The following ATP2C1 variants were observed in gnomAD, a reference collection of about 807,000 sequenced individuals.
ATP2C1 encodes calcium-transporting ATPase type 2C member 1.
Under a neutral mutation model 120.5 loss-of-function variants are expected in ATP2C1, and 31 were observed. The observed-to-expected ratio is 0.26, with a 90% CI of 0.19 to 0.35. ATP2C1 has a LOEUF of 0.35. Among genes scored for constraint, ATP2C1 ranks in the 10% least tolerant of loss-of-function variants. The probability of loss-of-function intolerance (pLI) is 1.00; values close to 1 mark genes in which losing one functional copy is unlikely to be tolerated. For synonymous variants in ATP2C1, 351 were observed against 358.7 expected, an observed-to-expected ratio of 0.98 and a Z score of 0.24; for missense variants, 731 against 1,107.5, an observed-to-expected ratio of 0.66 and a Z score of 4.83.
intron 17 of ATP2C1, among the ~76,000 whole-genome samples, chr3:130,972,563 G>A (rs2061369743): frequency 1.3e-5 from 2 of 150,070 alleles, no homozygotes; most frequent in Admixed American, 6.6e-5. Context: ...ATGCTGGTGT[G>A]CTGCACCCAT....
At chr3:130,918,459 C>T (rs932049683) in intron 2 of ATP2C1, 1 of 840,762 alleles carries the variant, frequency 1.2e-6, no homozygotes, top group Non-Finnish European at 2.1e-6. Flanking sequence ...CTCAGCACCT[C>T]TGTATTTCTG....
At chr3:130,864,516 C>T (rs1416603417) in intron 1 of ATP2C1, among the ~76,000 whole-genome samples, 2 of 152,222 alleles carry the variant, frequency 1.3e-5, no homozygotes, top group Non-Finnish European at 2.9e-5. Flanking sequence ...ATCCCCAAGA[C>T]CATGGGGAAA....
chr3:130,986,964 G>C (rs1237641237), intron 20 of ATP2C1, among the ~76,000 whole-genome samples: 1 of 151,166 alleles, frequency 6.6e-6, no homozygotes, highest in Non-Finnish European at 1.5e-5. Flanking sequence ...TTTAGAGATG[G>C]TGTTTTGCTT....
chr3:130,991,475 G>A (rs928319682), intron 20 of ATP2C1, among the ~76,000 whole-genome samples: 7 of 151,810 alleles, frequency 4.6e-5, no homozygotes, highest in Non-Finnish European at 4.4e-5. Flanking sequence ...AATCCTCCCC[G>A]TTCCTATATC....
intron 2 of ATP2C1, among the ~76,000 whole-genome samples, chr3:130,922,514 T>C (rs928274117): frequency 6.6e-6 from 1 of 152,194 alleles, no homozygotes; most frequent in Admixed American, 6.5e-5. Context: ...AGGTTTGGTT[T>C]GTTCTTGTTC....
rs377736244 is a variant in ATP2C1, at chr3:130,997,594, T to A, written c.2244-12T>A. On this transcript the variant is annotated splice_polypyrimidine_tract_variant and intron_variant, in intron 24 of 27. Coordinates refer to ENST00000510168, the MANE Select transcript of ATP2C1 (RefSeq NM_001378687.1). ...AACTTGAAAGTAATTTATTTTTCTG[T>A]TTGTTTTTAAGCCTTGGAGTAGAAC... 7 of 1,612,056 alleles carry A rather than the reference T, an allele frequency of 4.3e-6. No homozygotes were observed. The highest frequency in any genetic ancestry group is 1.3e-5 in the African/African-American group (1 of 74,882).
chr3:130,980,477 A>G, intron 19 of ATP2C1, 105 bp from the exon 20 acceptor site: 1 of 787,934 alleles, frequency 1.3e-6, no homozygotes, highest in East Asian at 2.6e-5. Flanking sequence ...CTGGTAGGTA[A>G]CAAAAGAGAA....
At chr3:130,953,130 T>G (rs888138820) in intron 8 of ATP2C1, among the ~76,000 whole-genome samples, 1 of 152,152 alleles carries the variant, frequency 6.6e-6, no homozygotes, top group African/African-American at 2.4e-5. Context: ...TGTATGTATG[T>G]GTGTATGTAT....
At chr3:130,924,083 G>A (rs1169795454) in intron 2 of ATP2C1, among the ~76,000 whole-genome samples, 1 of 151,600 alleles carries the variant, frequency 6.6e-6, no homozygotes, top group East Asian at 1.9e-4. Flanking sequence ...TGAGTATTTA[G>A]ATGTGAGGTA....
chr3:130,954,138 C>T (rs2060480884), intron 9 of ATP2C1, among the ~76,000 whole-genome samples, 162 bp downstream of exon 9: 1 of 152,086 alleles, frequency 6.6e-6, no homozygotes, highest in Admixed American at 6.5e-5. Context: ...GAATCTGTGT[C>T]CCCAAAGTAT....
At chr3:130,940,368 G>A (rs1053022772) in intron 6 of ATP2C1, among the ~76,000 whole-genome samples, 2 of 152,076 alleles carry the variant, frequency 1.3e-5, no homozygotes, top group Admixed American at 6.5e-5. Flanking sequence ...ATACTAGTCA[G>A]TTTTCATTTT....
chr3:130,960,607 C>T (rs1273243385), intron 12 of ATP2C1, among the ~76,000 whole-genome samples: 4 of 152,102 alleles, frequency 2.6e-5, no homozygotes, highest in Non-Finnish European at 5.9e-5. Flanking sequence ...CTTACCAGGT[C>T]ACTAGGTGAA....
chr3:130,868,634 A>AG (rs1481757877), intron 1 of ATP2C1: 2 of 19,186 alleles, frequency 1.0e-4, no homozygotes, highest in East Asian at 1.1e-3. Flanking sequence ...GGAAGTGAGG[A>AG]CCCCTCTGCC....
In ATP2C1 at chr3:130,963,749, C is replaced by CTTCA. The variant is rs373878394; in HGVS notation, c.900-222_900-221insTTCA. 3,703 of 512,704 alleles carry CTTCA rather than the reference C, an allele frequency of 7.2e-3. 35 individuals carry two copies. Among genetic ancestry groups the CTTCA allele is most frequent in the Non-Finnish European group, 9.4e-3 (2,678 of 285,454 alleles). The allele number at this position is 512,704 out of a possible 1,614,324, so 31.8% of individuals were successfully genotyped here. A position where few individuals can be genotyped will look rare whatever the true frequency, so the allele number is the denominator to read the frequency against. On this transcript the variant is annotated intron_variant, in intron 12 of 27. Coordinates refer to ENST00000510168, the MANE Select transcript of ATP2C1 (RefSeq NM_001378687.1). ...GTGAAGCCAGGGATACAAATCCAGG[C>CTTCA]AATTTGATGTCAGAACCTACATTTT...
intron 26 of ATP2C1, among the ~76,000 whole-genome samples, chr3:131,010,125 G>C (rs1268883277): frequency 6.6e-6 from 1 of 151,722 alleles, no homozygotes; most frequent in African/African-American, 2.4e-5. Flanking sequence ...TTATAACCCT[G>C]GTAGTTGCAG....
intron 26 of ATP2C1, among the ~76,000 whole-genome samples, chr3:131,008,436 AAAAAG>A (rs2063198592): frequency 1.3e-5 from 2 of 152,014 alleles, no homozygotes; most frequent in South Asian, 4.2e-4. Context: ...AAAAAAAAAA[AAAAAG>A]GAAAGAAAAG....
intron 2 of ATP2C1, among the ~76,000 whole-genome samples, chr3:130,896,341 C>G (rs775814311): frequency 2.0e-4 from 31 of 152,104 alleles, no homozygotes; most frequent in Non-Finnish European, 3.5e-4. Flanking sequence ...GTGTCTGTCT[C>G]TGTATTTTGT....
At chr3:131,013,272 A>G (rs1339709243) in intron 26 of ATP2C1, among the ~76,000 whole-genome samples, 1 of 152,216 alleles carries the variant, frequency 6.6e-6, no homozygotes, top group African/African-American at 2.4e-5. Context: ...TATATTTTAC[A>G]CAATCACCTA....
At chr3:130,979,901 G>A (rs1377383823) in intron 19 of ATP2C1, among the ~76,000 whole-genome samples, 1 of 152,186 alleles carries the variant, frequency 6.6e-6, no homozygotes, top group Non-Finnish European at 1.5e-5. Context: ...AGAAGAGAAT[G>A]AAAGTTAATT....
Sources: allele counts gnomAD v4.1 joint callset (sites outside exome capture counted in the v4.1 genomes callset), GRCh38; gene constraint gnomAD v4.1.1; transcripts MANE v1.5; gene names NCBI Gene and HGNC (gene_info 2026-07-23, HGNC 2026-07-21).